Variants in LRRC56 observed in about 807,000 individuals in gnomAD.
LRRC56 encodes leucine-rich repeat-containing protein 56.
Under a neutral mutation model 47.8 loss-of-function variants are expected in LRRC56, and 41 were observed. The observed-to-expected ratio is 0.86, with a 90% CI of 0.67 to 1.11. The LOEUF (loss-of-function observed/expected upper bound fraction) is 1.11. LRRC56 is among the 50% of genes most tolerant of loss of function. The pLI, the probability that LRRC56 is intolerant of heterozygous loss-of-function variation, is 0.00. For missense variants in LRRC56, 759 were observed against 704.2 expected (o/e 1.08, Z -0.88); for synonymous variants, 387 against 311.2 (o/e 1.24, Z -2.56).
Position 554,336 on chromosome 11 carries a change from C to T in LRRC56, c.*60C>T, listed in dbSNP as rs1852636425. The T allele has an allele frequency of 1.4e-6, 2 of 1,382,012 alleles. No individual in the cohort carries two copies. Among genetic ancestry groups the T allele is most frequent in the Non-Finnish European group, 1.9e-6 (2 of 1,051,134 alleles). 85.6% of individuals were successfully genotyped at this position (1,382,012 alleles called of 1,614,324 possible). On this transcript the variant is annotated 3_prime_UTR_variant, in exon 14 of 14. Coordinates refer to ENST00000270115, the MANE Select transcript of LRRC56 (RefSeq NM_198075.4). ...GCCACGACTTGCCCACATATGTGGT[C>T]ACAGAGCACAGAATACCTGGGCGGG...
chr11:523,966 G>T, the LRRC56 span, among the ~76,000 whole-genome samples: 1 of 151,798 alleles, frequency 6.6e-6, no homozygotes, highest in African/African-American at 2.4e-5. Flanking sequence ...AAAACTACAA[G>T]ATCTGAAGAA....
the LRRC56 span, among the ~76,000 whole-genome samples, chr11:518,388 A>G: frequency 6.6e-6 from 1 of 152,050 alleles, no homozygotes; most frequent in African/African-American, 2.4e-5. Context: ...TCATGGTGTT[A>G]GCCAGGATGG....
At chr11:526,424 C>T in the LRRC56 span, among the ~76,000 whole-genome samples, 2 of 152,106 alleles carry the variant, frequency 1.3e-5, no homozygotes, top group Admixed American at 6.6e-5. Context: ...AGGCAAGGGG[C>T]CCGGCACGCT....
chr11:508,215 T>C, the LRRC56 span, among the ~76,000 whole-genome samples: 1 of 152,222 alleles, frequency 6.6e-6, no homozygotes, highest in Non-Finnish European at 1.5e-5. Context: ...GCTTAGGCTG[T>C]ACTGCAGTGG....
chr11:553,679 C>G (rs1000966146), intron 13 of LRRC56, among the ~76,000 whole-genome samples: 2 of 152,196 alleles, frequency 1.3e-5, no homozygotes, highest in African/African-American at 4.8e-5. Context: ...AGGGTCAGAG[C>G]CAGGCCTTGT....
At chr11:550,990 T>G (rs2134063236) in intron 8 of LRRC56, 141 bp from the exon 9 acceptor site, 1 of 537,114 alleles carries the variant, frequency 1.9e-6, no homozygotes, top group East Asian at 3.3e-5. Context: ...AGCCCACCCC[T>G]GCAGGGTAGG....
chr11:552,035 G>C, intron 11 of LRRC56, 55 bp from the exon 12 acceptor site: 3 of 1,605,494 alleles, frequency 1.9e-6, no homozygotes, highest in Non-Finnish European at 2.6e-6. Context: ...ACAGTGCCCT[G>C]CCCTGCCGCC....
chr11:511,183 T>C, the LRRC56 span, among the ~76,000 whole-genome samples: 5 of 151,322 alleles, frequency 3.3e-5, no homozygotes, highest in East Asian at 9.8e-4. Context: ...TAGCCGGGCG[T>C]GGTGGCGGGC....
chr11:544,236 G>C (rs970759478), intron 5 of LRRC56, among the ~76,000 whole-genome samples: 15 of 152,354 alleles, frequency 9.8e-5, no homozygotes, highest in Middle Eastern at 3.4e-3. Flanking sequence ...TGAGATGCCA[G>C]GGGAGGGGTG....
At chr11:533,351 C>T (rs778477904), upstream of LRRC56, 6 of 1,604,606 alleles carry the variant, frequency 3.7e-6, no homozygotes, top group East Asian at 2.2e-5. Flanking sequence ...AGAGCCAGAG[C>T]GGCTGCCCTG....
Position 553,979 on chromosome 11 carries a change from G to A in LRRC56, c.1332G>A (p.Ser444=), listed in dbSNP as rs759451049. The change falls in exon 14 of 14, where the codon TCG becomes TCA. Residue 444 remains serine, a synonymous_variant. Transcript: ENST00000270115. ...PSLASEPSGT[S]SQHLVPSPPK... ...GCTTTCTAGAGCCCTCCGGGACCTC[G>A]AGCCAGCACCTGGTCCCTTCACCTC... is the stretch of plus-strand genomic sequence containing the variant. 5.6e-6 allele frequency: 9 copies of A among 1,611,946 alleles called. No homozygotes were observed. The highest frequency in any genetic ancestry group is 5.0e-5 in the Admixed American group (3 of 59,928).
chr11:517,217 G>A, the LRRC56 span, among the ~76,000 whole-genome samples: 2 of 152,232 alleles, frequency 1.3e-5, no homozygotes, highest in South Asian at 2.1e-4. Context: ...CCTTCCAGCT[G>A]CCTGCCTTGG....
At chr11:512,973 T>A in the LRRC56 span, among the ~76,000 whole-genome samples, 1 of 152,112 alleles carries the variant, frequency 6.6e-6, no homozygotes, top group Admixed American at 6.6e-5. Flanking sequence ...TTACTACCCC[T>A]TCCCTAGAAA....
chr11:531,231 G>A, the LRRC56 span, among the ~76,000 whole-genome samples: 22 of 152,202 alleles, frequency 1.4e-4, no homozygotes, highest in African/African-American at 4.8e-4. Context: ...ACAAAAGGGG[G>A]AGTGTCCCTG....
chr11:534,089 G>A (rs1851302608), upstream of LRRC56: 3 of 1,164,066 alleles, frequency 2.6e-6, no homozygotes, highest in African/African-American at 1.5e-5. Flanking sequence ...TCCTCTAGAG[G>A]AAGCAGGAGA....
the LRRC56 span, among the ~76,000 whole-genome samples, chr11:514,140 C>T: frequency 4.1e-4 from 62 of 152,164 alleles, no homozygotes; most frequent in Middle Eastern, 6.8e-3. Flanking sequence ...TACAAGCACG[C>T]ACCACCACAC....
chr11:538,928 G>C (rs1851647631), intron 2 of LRRC56, 68 bp downstream of exon 2: 1 of 152,498 alleles, frequency 6.6e-6, no homozygotes, highest in African/African-American at 2.4e-5. Context: ...GGCTGGGTGG[G>C]GAGTGCAGTC....
chr11:531,936 GCA>G, the LRRC56 span, among the ~76,000 whole-genome samples: 1 of 152,204 alleles, frequency 6.6e-6, no homozygotes, highest in Non-Finnish European at 1.5e-5. Context: ...AGAGCCACCG[GCA>G]CAGATCCCCA....
the LRRC56 span, among the ~76,000 whole-genome samples, chr11:531,739 C>T: frequency 6.6e-6 from 1 of 152,204 alleles, no homozygotes; most frequent in South Asian, 2.1e-4. Flanking sequence ...TGAGGCCAGT[C>T]GGTGCTGGAG....
Sources: allele counts gnomAD v4.1 joint callset (sites outside exome capture counted in the v4.1 genomes callset), GRCh38; gene constraint gnomAD v4.1.1; transcripts MANE v1.5; gene names NCBI Gene and HGNC (gene_info 2026-07-23, HGNC 2026-07-21).